CLVS1: variants seen among roughly 807,000 people sequenced by gnomAD.
The protein encoded by CLVS1 is clavesin-1.
Under a neutral mutation model 33.1 loss-of-function variants are expected in CLVS1, and 10 were observed. That is an observed-to-expected ratio of 0.30 (90% CI 0.19 to 0.51). The LOEUF is 0.51. CLVS1 is among the 20% of genes least tolerant of loss of function. The pLI is 0.97. For missense variants in CLVS1, 343 were observed against 433.4 expected (o/e 0.79, Z 1.85); for synonymous variants, 163 against 166.1 (o/e 0.98, Z 0.14).
At chr8:61,034,582 G>A in the CLVS1 span, among the ~76,000 whole-genome samples, 625 of 152,002 alleles carry the variant, frequency 4.1e-3, 3 homozygotes, top group African/African-American at 0.014. Context: ...GTATGCATTC[G>A]ATTGCTTTAC....
chr8:61,441,202 A>G (rs900760748), intron 3 of CLVS1, among the ~76,000 whole-genome samples: 3 of 152,224 alleles, frequency 2.0e-5, no homozygotes, highest in African/African-American at 7.2e-5. Flanking sequence ...TGAACTGAAT[A>G]GATAAAGCCT....
chr8:61,063,341 T>C (rs1322685919), intron 1 of CLVS1, among the ~76,000 whole-genome samples: 1 of 126,194 alleles, frequency 7.9e-6, no homozygotes, highest in Non-Finnish European at 1.6e-5. Context: ...GGGTGAGGGG[T>C]GAAATGGCTG....
chr8:60,993,963 C>G, the CLVS1 span, among the ~76,000 whole-genome samples: 1 of 152,172 alleles, frequency 6.6e-6, no homozygotes, highest in African/African-American at 2.4e-5. Flanking sequence ...TGTCATGGAG[C>G]CTTTCTGTCC....
intron 5 of CLVS1, among the ~76,000 whole-genome samples, chr8:61,475,131 AT>A (rs1315012174): frequency 6.6e-6 from 1 of 152,092 alleles, no homozygotes; most frequent in Non-Finnish European, 1.5e-5. Flanking sequence ...TGAACTCATC[AT>A]TTTTTATGGC....
At chr8:61,304,450 C>A (rs1205171008) in intron 2 of CLVS1, among the ~76,000 whole-genome samples, 1 of 152,184 alleles carries the variant, frequency 6.6e-6, no homozygotes, top group Non-Finnish European at 1.5e-5. Flanking sequence ...CCAGGCCGAA[C>A]CAAAACCAGA....
chr8:61,335,696 A>T (rs1456648214), intron 2 of CLVS1, among the ~76,000 whole-genome samples: 2 of 152,218 alleles, frequency 1.3e-5, no homozygotes, highest in Non-Finnish European at 2.9e-5. Flanking sequence ...TTTCCAATTT[A>T]AGGTATATAT....
intron 2 of CLVS1, among the ~76,000 whole-genome samples, chr8:61,302,050 A>G (rs1487550366): frequency 1.3e-5 from 2 of 152,182 alleles, no homozygotes; most frequent in African/African-American, 2.4e-5. Context: ...AGGAATTTCT[A>G]AAGTGCCTCT....
At chr8:61,080,333 G>T (rs1444225778) in intron 1 of CLVS1, among the ~76,000 whole-genome samples, 1 of 152,176 alleles carries the variant, frequency 6.6e-6, no homozygotes, top group African/African-American at 2.4e-5. Flanking sequence ...TACAAACTTT[G>T]CTTCTTTGGG....
chr8:61,139,864 C>T (rs1325776624), intron 2 of CLVS1, among the ~76,000 whole-genome samples: 4 of 152,132 alleles, frequency 2.6e-5, no homozygotes, highest in Non-Finnish European at 5.9e-5. Context: ...GATTCCTGGG[C>T]GCAGCACGAG....
intron 2 of CLVS1, among the ~76,000 whole-genome samples, chr8:61,135,659 T>C (rs1806179639): frequency 1.3e-5 from 2 of 152,128 alleles, no homozygotes; most frequent in Admixed American, 1.3e-4. Context: ...CTGGAACCAA[T>C]ATATTTGTTT....
intron 3 of CLVS1, among the ~76,000 whole-genome samples, chr8:61,414,959 T>C (rs1227868341): frequency 6.6e-6 from 1 of 152,234 alleles, no homozygotes; most frequent in Non-Finnish European, 1.5e-5. Context: ...TTCTCCTTAC[T>C]TCATTGTAAG....
chr8:61,024,982 G>T, the CLVS1 span, among the ~76,000 whole-genome samples: 1 of 151,880 alleles, frequency 6.6e-6, no homozygotes, highest in Non-Finnish European at 1.5e-5. Flanking sequence ...TGAGTAGCTG[G>T]GATTAGAGGT....
chr8:60,997,445 C>A, the CLVS1 span, among the ~76,000 whole-genome samples: 1 of 152,200 alleles, frequency 6.6e-6, no homozygotes, highest in Non-Finnish European at 1.5e-5. Flanking sequence ...CAACTATATA[C>A]ATATTTAGCA....
intron 4 of CLVS1, among the ~76,000 whole-genome samples, chr8:61,457,645 C>T (rs1697828694): frequency 6.6e-6 from 1 of 152,046 alleles, no homozygotes. Context: ...TTTTCTTCTA[C>T]CTTGTGCCCA....
intron 2 of CLVS1, among the ~76,000 whole-genome samples, chr8:61,332,331 G>A (rs1032101386): frequency 9.9e-5 from 15 of 152,042 alleles, no homozygotes; most frequent in Admixed American, 3.9e-4. Flanking sequence ...TGGGTGTTGC[G>A]CTGCTCCTTT....
At chr8:61,202,562 C>T (rs1807756363) in intron 2 of CLVS1, 2 of 1,209,584 alleles carry the variant, frequency 1.7e-6, no homozygotes, top group Admixed American at 3.4e-5. Context: ...GAAGGCAGCC[C>T]AATTAAAGTA....
the CLVS1 span, among the ~76,000 whole-genome samples, chr8:60,977,204 A>G: frequency 6.6e-6 from 1 of 152,242 alleles, no homozygotes; most frequent in Admixed American, 6.5e-5. Flanking sequence ...AATTCCTGAG[A>G]TGTGGGAGAA....
chr8:61,009,136 C>G, the CLVS1 span, among the ~76,000 whole-genome samples: 46 of 151,772 alleles, frequency 3.0e-4, no homozygotes, highest in African/African-American at 9.4e-4. Flanking sequence ...CTATTGTGCT[C>G]TTGCCAGCAT....
At chr8:61,288,592 C>T (rs1182052520) in intron 1 of CLVS1, among the ~76,000 whole-genome samples, 1 of 152,334 alleles carries the variant, frequency 6.6e-6, no homozygotes, top group East Asian at 1.9e-4. Context: ...GGAGAGACCC[C>T]AGGCACGGGG....
Sources: allele counts gnomAD v4.1 joint callset (sites outside exome capture counted in the v4.1 genomes callset), GRCh38; gene constraint gnomAD v4.1.1; transcripts MANE v1.5; gene names NCBI Gene and HGNC (gene_info 2026-07-23, HGNC 2026-07-21).